The following ACYP2 variants were observed in gnomAD, a reference collection of about 807,000 sequenced individuals.
The protein encoded by ACYP2 is acylphosphatase 2.
Under a neutral mutation model 11.2 loss-of-function variants are expected in ACYP2, and 12 were observed. The ratio of observed to expected loss-of-function variants is 1.08; its 90% CI spans 0.69 to 1.74. ACYP2 has a LOEUF of 1.74. ACYP2 is among the 40% of genes most tolerant of loss of function. The pLI is 0.00. For missense variants in ACYP2, 134 were observed against 101.9 expected, an observed-to-expected ratio of 1.31 and a Z score of -1.35; for synonymous variants, 43 against 32.2, an observed-to-expected ratio of 1.33 and a Z score of -1.13.
chr2:54,132,316 A>G (rs1037013882), intron 4 of ACYP2, among the ~76,000 whole-genome samples: 3 of 152,086 alleles, frequency 2.0e-5, no homozygotes, highest in Non-Finnish European at 2.9e-5. Flanking sequence ...CCCTCCATCT[A>G]TATAACAGAT....
chr2:54,081,696 A>T (rs1051237182), intron 4 of ACYP2, among the ~76,000 whole-genome samples: 15 of 152,134 alleles, frequency 9.9e-5, no homozygotes, highest in African/African-American at 3.6e-4. Flanking sequence ...CTGATGAGAG[A>T]GATTTTTTGT....
At chr2:53,982,208 T>C (rs17189589) in intron 2 of ACYP2, among the ~76,000 whole-genome samples, 15,866 of 152,244 alleles carry the variant, frequency 0.1, 1,074 homozygotes, top group Middle Eastern at 0.22. Context: ...AATGGGATTA[T>C]CTGCATGCAT....
intron 6 of ACYP2, among the ~76,000 whole-genome samples, chr2:54,158,583 T>C (rs368791687): frequency 8.9e-4 from 136 of 152,332 alleles, no homozygotes; most frequent in African/African-American, 3.0e-3. Context: ...TCCCGCTCCA[T>C]GCCACTGACA....
intron 6 of ACYP2, among the ~76,000 whole-genome samples, chr2:54,171,272 A>T (rs1683210537): frequency 6.6e-6 from 1 of 152,116 alleles, no homozygotes; most frequent in South Asian, 2.1e-4. Flanking sequence ...AACTACTCAG[A>T]AGGGCTTCAA....
At chr2:54,229,203 G>C (rs1050055924) in intron 6 of ACYP2, among the ~76,000 whole-genome samples, 13 of 152,148 alleles carry the variant, frequency 8.5e-5, no homozygotes, top group African/African-American at 2.9e-4. Context: ...CCGCTTCTGT[G>C]GGACATGGCA....
chr2:54,088,247 C>A (rs1678042301), intron 4 of ACYP2, among the ~76,000 whole-genome samples: 1 of 152,080 alleles, frequency 6.6e-6, no homozygotes, highest in African/African-American at 2.4e-5. Context: ...AGAAGAGGCC[C>A]AGAGAGAGAA....
At chr2:54,010,970 C>T (rs1673339928) in intron 2 of ACYP2, among the ~76,000 whole-genome samples, 1 of 151,890 alleles carries the variant, frequency 6.6e-6, no homozygotes, top group South Asian at 2.1e-4. Context: ...CACGCGGCCC[C>T]TCCCTCCACT....
At chr2:54,146,133 C>G (rs1681869276) in intron 6 of ACYP2, among the ~76,000 whole-genome samples, 1 of 152,186 alleles carries the variant, frequency 6.6e-6, no homozygotes, top group Non-Finnish European at 1.5e-5. Flanking sequence ...TTACAAAATT[C>G]TATGCCAAAA....
At chr2:54,144,565 T>A (rs944977937) in intron 6 of ACYP2, among the ~76,000 whole-genome samples, 1 of 151,204 alleles carries the variant, frequency 6.6e-6, no homozygotes, top group Non-Finnish European at 1.5e-5. Context: ...TCCCAGCTAC[T>A]TGGGAGGCTG....
intron 2 of ACYP2, among the ~76,000 whole-genome samples, chr2:54,032,187 A>G (rs565015012): frequency 1.3e-5 from 2 of 152,298 alleles, no homozygotes; most frequent in African/African-American, 4.8e-5. Flanking sequence ...TGTTTTAGTC[A>G]TGAAGTCCTT....
chr2:53,988,427 G>A (rs549013939), intron 2 of ACYP2, among the ~76,000 whole-genome samples: 1 of 152,144 alleles, frequency 6.6e-6, no homozygotes, highest in East Asian at 1.9e-4. Flanking sequence ...TTTAGACAGG[G>A]TCTTGCTCTG....
At chr2:54,099,371 T>C (rs1678764817) in intron 4 of ACYP2, among the ~76,000 whole-genome samples, 2 of 152,174 alleles carry the variant, frequency 1.3e-5, no homozygotes, top group Non-Finnish European at 2.9e-5. Context: ...ATACCGTAGA[T>C]CTTTTGAACT....
chr2:54,275,886 C>G (rs76025367), intron 6 of ACYP2, among the ~76,000 whole-genome samples: 1,528 of 150,418 alleles, frequency 0.01, 25 homozygotes, highest in African/African-American at 0.036. Context: ...AATATTTAGT[C>G]AAAGTGCAAC....
Position 54,256,019 on chromosome 2 carries a change from C to G in ACYP2, c.405-48669C>G. On this transcript the variant is annotated intron_variant, in intron 6 of 6. Coordinates refer to ENST00000607452, the MANE Select transcript of ACYP2 (RefSeq NM_001320586.2). Reference sequence around the variant, plus strand: ...CGGGGCGGTGGGAACACGATTGGCTCCAAGCGGCCATCAAACATATCTGCC... The same window carrying G: ...CGGGGCGGTGGGAACACGATTGGCTGCAAGCGGCCATCAAACATATCTGCC... 2 of 1,614,154 alleles carry G rather than the reference C, an allele frequency of 1.2e-6. No individual in the cohort carries two copies. Among genetic ancestry groups the G allele is most frequent in the Middle Eastern group, 1.6e-4 (1 of 6,062 alleles).
chr2:54,174,581 G>C (rs1368806937), intron 6 of ACYP2, among the ~76,000 whole-genome samples: 3 of 152,200 alleles, frequency 2.0e-5, no homozygotes, highest in Non-Finnish European at 4.4e-5. Context: ...AGTGGTGAGA[G>C]AGGGCATCCT....
intron 6 of ACYP2, among the ~76,000 whole-genome samples, chr2:54,302,353 C>T (rs1033133251): frequency 6.6e-6 from 1 of 152,138 alleles, no homozygotes; most frequent in African/African-American, 2.4e-5. Flanking sequence ...GCAGCATTGG[C>T]CTGGTGGATC....
chr2:54,179,129 C>T (rs1046675306), intron 6 of ACYP2, among the ~76,000 whole-genome samples: 1 of 151,726 alleles, frequency 6.6e-6, no homozygotes, highest in Non-Finnish European at 1.5e-5. Flanking sequence ...AAGGGAATGC[C>T]TTAATGCGCT....
rs1398319335 is a variant in ACYP2 at position 54,138,720 on chromosome 2, C to T, written c.376C>T (p.Gln126Ter). ...CAAAGGCACCGTGACAGGCCAAGTG[C>T]AGGGGCCAGAAGACAAAGTCAATTC... The change falls in exon 6 of 7, where the codon CAG (glutamine) becomes TAG (stop). Residue 126 changes from glutamine to a stop codon, truncating the protein, a stop_gained. Transcript: ENST00000607452. LOFTEE classifies it high-confidence loss of function. The T allele has an allele frequency of 1.2e-6, 2 of 1,613,926 alleles. No homozygotes were observed. Among genetic ancestry groups the T allele is most frequent in the Middle Eastern group, 1.6e-4 (1 of 6,062 alleles).
intron 6 of ACYP2, among the ~76,000 whole-genome samples, chr2:54,291,296 C>T (rs1387669424): frequency 6.6e-6 from 1 of 152,164 alleles, no homozygotes; most frequent in Non-Finnish European, 1.5e-5. Flanking sequence ...GCACCTGACC[C>T]TTCAATGTTG....
Sources: gnomAD v4.1 joint callset for allele counts (sites outside exome capture counted in the v4.1 genomes callset) on GRCh38, gnomAD v4.1.1 for gene constraint, MANE v1.5 for transcripts, NCBI Gene and HGNC (gene_info 2026-07-23, HGNC 2026-07-21) for gene names.